The following SLC6A3 variants were observed in gnomAD, a reference collection of about 807,000 sequenced individuals.
SLC6A3 encodes sodium-dependent dopamine transporter.
Under a neutral mutation model 70.4 loss-of-function variants are expected in SLC6A3, and 19 were observed. That is an observed-to-expected ratio of 0.27 (90% CI 0.19 to 0.40). The LOEUF (loss-of-function observed/expected upper bound fraction) is 0.40, where lower values mean the gene tolerates loss of function less well. Ranked by LOEUF, SLC6A3 falls within the 10% of genes least tolerant of loss-of-function variation. The pLI is 1.00. For missense variants in SLC6A3, 613 were observed against 838.5 expected (o/e 0.73, Z 3.32); for synonymous variants, 368 against 356.6 (o/e 1.03, Z -0.36).
Position 1,411,300 on chromosome 5 carries a change from G to A in SLC6A3, c.1212C>T (p.Ser404=). The change falls in exon 9 of 15, where the codon TCC becomes TCT. Residue 404 remains serine (S), a synonymous_variant. Coordinates refer to ENST00000270349, the MANE Select transcript of SLC6A3 (RefSeq NM_001044.5). This position sits in a 1 kb window ranked among gnomAD's most constrained non-coding sequence, Gnocchi z 6.5. ...TGAAGAAGACCACGGCCCAGGCTGA[G>A]GACAGAGGGAGCGTGGCGATGGCTT... ...YPEAIATLPL[S]SAWAVVFFIM... The A allele has an allele frequency of 6.4e-7, 1 of 1,555,234 alleles. No homozygotes were observed. Among genetic ancestry groups the A allele is most frequent in the South Asian group, 1.2e-5 (1 of 84,242 alleles).
intron 8 of SLC6A3, among the ~76,000 whole-genome samples, chr5:1,414,034 G>T (rs1458099422): frequency 3.3e-5 from 5 of 152,318 alleles, no homozygotes; most frequent in Middle Eastern, 3.4e-3. Context: ...GGGACACTCA[G>T]CGTCATGCGT....
chr5:1,414,201 C>T (rs4975640), intron 8 of SLC6A3, among the ~76,000 whole-genome samples: 5,504 of 151,880 alleles, frequency 0.036, 133 homozygotes, highest in Non-Finnish European at 0.05. Flanking sequence ...GTTCCCACAC[C>T]GCGTGGCAAG....
In SLC6A3 at chr5:1,436,070, C is replaced by T. The variant is rs918726414; in HGVS notation, c.419-3372G>A. 1.3e-5 allele frequency among the ~76,000 whole-genome samples: 2 copies of T among 149,430 alleles called. No homozygotes were observed. The highest frequency in any genetic ancestry group is 3.0e-5 in the Non-Finnish European group (2 of 67,240). On this transcript the variant is annotated intron_variant, in intron 3 of 14. Coordinates refer to ENST00000270349, the MANE Select transcript of SLC6A3 (RefSeq NM_001044.5). This position sits in a 1 kb window ranked among gnomAD's most constrained non-coding sequence, Gnocchi z 5.2. The stretch of plus-strand genomic sequence containing the variant: ...CTTGAACGGTGGTGGCCAGTCCCCT[C>T]CTGGATGCTTCCCTGGGCACCTGGG...
In SLC6A3 at chr5:1,406,340, A is replaced by C. The variant is rs753920367; in HGVS notation, c.1499-52T>G. 1 of 1,461,638 alleles carries C rather than the reference A, an allele frequency of 6.8e-7. No homozygotes were observed. The highest frequency in any genetic ancestry group is 9.6e-7 in the Non-Finnish European group (1 of 1,041,962). The allele number at this position is 1,461,638 out of a possible 1,614,324, so 90.5% of individuals were successfully genotyped here. On this transcript the variant is annotated intron_variant, in intron 11 of 14. Coordinates refer to ENST00000270349, the MANE Select transcript of SLC6A3 (RefSeq NM_001044.5). This position sits in a 1 kb window ranked among gnomAD's most constrained non-coding sequence, Gnocchi z 8.8. ...TCCATCAGGGCAGCGCATTCCCCCG[A>C]TGCTGGACACGTGTGGGGGTCCTCG... is the stretch of plus-strand genomic sequence containing the variant.
In SLC6A3 at chr5:1,413,846, G is replaced by C. The variant is rs1560912386; in HGVS notation, c.1156+845C>G. 6.6e-6 allele frequency among the ~76,000 whole-genome samples: 1 copy of C among 152,210 alleles called. No homozygotes were observed. The highest frequency in any genetic ancestry group is 1.9e-4 in the East Asian group (1 of 5,196). On this transcript the variant is annotated intron_variant, in intron 8 of 14. Transcript: ENST00000270349. The surrounding 1 kb of genome is among the most constrained non-coding windows in gnomAD (Gnocchi z 7.1). ...CTTTCCACTGCAAGCACCGGAGCCA[G>C]GCACGTGGCCCCAAGTGCCTGGGCC...
Position 1,406,362 on chromosome 5 carries a change from C to A in SLC6A3, c.1499-74G>T. On this transcript the variant is annotated intron_variant, in intron 11 of 14. Transcript: ENST00000270349. The surrounding 1 kb of genome is among the most constrained non-coding windows in gnomAD (Gnocchi z 8.8). ...CCGATGCTGGACACGTGTGGGGGTC[C>A]TCGCTGACTCCCAAGGGCCCCACCT... 3.2e-6 allele frequency: 4 copies of A among 1,263,282 alleles called. No homozygotes were observed. The highest frequency in any genetic ancestry group is 4.6e-6 in the Non-Finnish European group (4 of 861,668). The allele number at this position is 1,263,282 out of a possible 1,614,324, so 78.3% of individuals were successfully genotyped here.
intron 8 of SLC6A3, 78 bp downstream of exon 8, chr5:1,414,613 C>T: frequency 6.5e-7 from 1 of 1,549,986 alleles, no homozygotes; most frequent in Non-Finnish European, 8.7e-7. Flanking sequence ...CTTCCTCTTT[C>T]ACAAGGAAAA....
intron 7 of SLC6A3, 70 bp downstream of exon 7, chr5:1,416,028 C>T: frequency 8.4e-7 from 1 of 1,192,804 alleles, no homozygotes; most frequent in East Asian, 2.3e-5. Context: ...CAGGGACACC[C>T]TATTTCTGGA....
chr5:1,443,370 G>T lies in SLC6A3; in HGVS notation c.-45-128C>A, dbSNP rs1445554387. ...CGGGCATTCCTCTGGGAAGGGATGG[G>T]TGCGTTCTCAGCGCCTGAGATGGTA... On this transcript the variant is annotated intron_variant, in intron 1 of 14. Transcript: ENST00000270349. The T allele has an allele frequency of 1.6e-5, 12 of 765,802 alleles. 1 individual carries two copies. The South Asian group carries it at 1.7e-4, about 11-fold the overall frequency. The allele number at this position is 765,802 out of a possible 1,614,324, so 47.4% of individuals were successfully genotyped here.
chr5:1,393,378 A>G lies in SLC6A3; in HGVS notation c.*1357T>C, dbSNP rs996037949. 2 of 152,676 alleles carry G rather than the reference A, an allele frequency of 1.3e-5. No individual in the cohort carries two copies. Among genetic ancestry groups the G allele is most frequent in the African/African-American group, 4.8e-5 (2 of 41,482 alleles). The allele number at this position is 152,676 out of a possible 1,614,324, so 9.5% of individuals were successfully genotyped here. A position where few individuals can be genotyped will look rare whatever the true frequency, so the allele number is the denominator to read the frequency against. ...ATTATTCTTGTAAACAAAAACTGCA[A>G]TATCAGCAAGCAGGCTCGCGGATAC... On this transcript the variant is annotated 3_prime_UTR_variant, in exon 15 of 15. Coordinates refer to ENST00000270349, the MANE Select transcript of SLC6A3 (RefSeq NM_001044.5).
rs1756500509 is a variant in SLC6A3 at position 1,423,237 on chromosome 5, TGCCC to T, written c.654-1227_654-1224del. 2.6e-5 allele frequency among the ~76,000 whole-genome samples: 3 copies of T among 117,612 alleles called. 1 individual carries two copies. Among genetic ancestry groups the T allele is most frequent in the East Asian group, 5.4e-4 (2 of 3,738 alleles). 77.2% of individuals were successfully genotyped at this position (117,612 alleles called of 152,430 possible). On this transcript the variant is annotated intron_variant, in intron 4 of 14. Coordinates refer to ENST00000270349, the MANE Select transcript of SLC6A3 (RefSeq NM_001044.5). The stretch of plus-strand genomic sequence containing the variant: ...GGGTACCCACCGCTGCCCACGGTGC[TGCCC>T]ATGGTGCTGGGTACCCACTGCTGCC...
chr5:1,400,485 C>T (rs993178678), intron 14 of SLC6A3, among the ~76,000 whole-genome samples: 1 of 152,206 alleles, frequency 6.6e-6, no homozygotes, highest in Admixed American at 6.5e-5. Flanking sequence ...CCAGGCCTCT[C>T]CCAGCCCCTC....
chr5:1,443,148 G>C lies in SLC6A3; in HGVS notation c.50C>G (p.Pro17Arg). 6.2e-7 allele frequency: 1 copy of C among 1,614,216 alleles called. No homozygotes were observed. Among genetic ancestry groups the C allele is most frequent in the Non-Finnish European group, 8.5e-7 (1 of 1,180,012 alleles). The change falls in exon 2 of 15, where the codon CCG becomes CGG. Residue 17 changes from proline (P) to arginine (R), a missense_variant. By Grantham distance (103) the Pro-to-Arg change is moderately radical. This residue lies in a region of SLC6A3 where 111 missense variants were observed against 91.6 expected (regional missense o/e 1.21). Transcript: ENST00000270349. ...SVGLMSSVVAPAKEPNAVGPK... is the reference protein window; with the variant it reads ...SVGLMSSVVARAKEPNAVGPK... ...GCCCACGGCATTGGGCTCCTTAGCC[G>C]GGGCCACCACGGAAGACATGAGTCC...
At position 1,443,142 on chromosome 5, in the gene SLC6A3, T is replaced by C. The variant is rs769471436; in HGVS notation, c.56A>G (p.Lys19Arg). The stretch of plus-strand genomic sequence containing the variant: ...CTTCGGGCCCACGGCATTGGGCTCC[T>C]TAGCCGGGGCCACCACGGAAGACAT... ...GLMSSVVAPA[K>R]EPNAVGPKEV... Residue 19 changes from lysine to arginine, a missense_variant, in exon 2 of 15, where the codon AAG becomes AGG. Physicochemically the swap from Lys to Arg is conservative, Grantham distance 26. This residue lies in a region of SLC6A3 where 111 missense variants were observed against 91.6 expected (regional missense o/e 1.21). Transcript: ENST00000270349. 4 of 1,614,110 alleles carry C rather than the reference T, an allele frequency of 2.5e-6. No individual in the cohort carries two copies. Among genetic ancestry groups the C allele is most frequent in the African/African-American group, 1.3e-5 (1 of 74,944 alleles).
chr5:1,429,833 A>G (rs1035372636), intron 4 of SLC6A3, among the ~76,000 whole-genome samples: 2 of 152,222 alleles, frequency 1.3e-5, no homozygotes, highest in African/African-American at 4.8e-5. Context: ...GCAAGAGCAC[A>G]TGCAGCCCAG....
chr5:1,418,372 TCA>T (rs1756355303), intron 6 of SLC6A3, among the ~76,000 whole-genome samples: 1 of 152,148 alleles, frequency 6.6e-6, no homozygotes, highest in Non-Finnish European at 1.5e-5. Context: ...TCACTATACA[TCA>T]ATCCATCATC....
In SLC6A3 at chr5:1,414,922, C is replaced by A. The variant is rs777896068; in HGVS notation, c.1032-107G>T. The A allele has an allele frequency of 7.0e-5, 101 of 1,437,102 alleles. No homozygotes were observed. The African/African-American group carries it at 1.4e-3, about 19-fold the overall frequency. The allele number at this position is 1,437,102 out of a possible 1,614,324, so 89.0% of individuals were successfully genotyped here. ...GTGTCTGGGGAAGGGGGCGGGAGGT[C>A]TTCGGAGGGGCTACTTTTCCCAGTG... On this transcript the variant is annotated intron_variant, in intron 7 of 14. Coordinates refer to ENST00000270349, the MANE Select transcript of SLC6A3 (RefSeq NM_001044.5).
chr5:1,416,708 C>T lies in SLC6A3; in HGVS notation c.928-507G>A, dbSNP rs567356275. ...TCATCCACACACGGCATGACCGCAG[C>T]GTCCTAATAGCCCTCGGAACAGCAC... On this transcript the variant is annotated intron_variant, in intron 6 of 14. Coordinates refer to ENST00000270349, the MANE Select transcript of SLC6A3 (RefSeq NM_001044.5). The T allele has an allele frequency of 4.4e-4, 114 of 259,588 alleles. 1 individual carries two copies. The highest frequency in any genetic ancestry group is 2.5e-3 in the Admixed American group (50 of 20,042). 16.1% of individuals were successfully genotyped at this position (259,588 alleles called of 1,614,324 possible).
chr5:1,441,627 C>T, intron 2 of SLC6A3, 137 bp from the exon 3 acceptor site: 2 of 1,016,066 alleles, frequency 2.0e-6, no homozygotes, highest in Admixed American at 2.5e-5. Context: ...CGGGAAGTCC[C>T]AGGCTAGGGT....
Sources: allele counts gnomAD v4.1 joint callset (sites outside exome capture counted in the v4.1 genomes callset), GRCh38; gene constraint gnomAD v4.1.1; regional missense constraint gnomAD v4.1.1; non-coding constraint Gnocchi (gnomAD v3.1); transcripts MANE v1.5; gene names NCBI Gene and HGNC (gene_info 2026-07-23, HGNC 2026-07-21).